CLEC18A: variants seen among roughly 807,000 people sequenced by gnomAD.
CLEC18A encodes mannose receptor-like 1.
In CLEC18A, 5 loss-of-function variants were observed where a neutral mutation model predicts 24.0. The ratio of observed to expected loss-of-function variants is 0.21; its 90% CI spans 0.11 to 0.44. CLEC18A has a LOEUF of 0.44. Ranked by LOEUF, CLEC18A falls within the 20% of genes least tolerant of loss-of-function variation. The probability of loss-of-function intolerance (pLI) is 0.99; values close to 1 mark genes in which losing one functional copy is unlikely to be tolerated. For missense variants in CLEC18A, 83 were observed against 233.4 expected, an observed-to-expected ratio of 0.36 and a Z score of 4.20; for synonymous variants, 29 against 100.1, an observed-to-expected ratio of 0.29 and a Z score of 4.24.
rs200702748 is a variant in CLEC18A, at chr16:69,954,374, C to A, written c.257C>A (p.Ala86Glu). 3.7e-6 allele frequency: 6 copies of A among 1,608,078 alleles called. No homozygotes were observed. The Admixed American group carries it at 5.0e-5, about 14-fold the overall frequency. The change falls in exon 3 of 12, where the codon GCA becomes GAA. Residue 86 changes from alanine (A) to glutamate (E), a missense_variant. Around this residue, in one of 3 missense-constraint regions of CLEC18A, gnomAD observed 71 missense variants for 107.4 expected, o/e 0.66. Transcript: ENST00000288040. ...DSLAQLAQARAALCGTPTPSL... is the reference protein window; with the variant it reads ...DSLAQLAQAREALCGTPTPSL... ...CTGGCCCAGCTGGCTCAAGCCAGGG[C>A]AGCCCTCTGTGGAACCCCAACCCCG...
At chr16:69,952,744 C>A (rs1972034) in intron 2 of CLEC18A, 11,136 of 148,658 alleles carry the variant, frequency 0.075, 81 homozygotes, top group African/African-American at 0.27. Flanking sequence ...TTGTCTGGGA[C>A]CCCAGCAGCC....
intron 3 of CLEC18A, among the ~76,000 whole-genome samples, chr16:69,955,484 G>A (rs1293884484): frequency 1.5e-4 from 23 of 151,666 alleles, no homozygotes; most frequent in African/African-American, 5.3e-4. Context: ...CCAAGTAGCT[G>A]GGACTACAGG....
intron 11 of CLEC18A, among the ~76,000 whole-genome samples, chr16:69,963,307 G>A (rs552767360): frequency 6.6e-6 from 1 of 152,066 alleles, no homozygotes; most frequent in South Asian, 2.1e-4. Context: ...AGCTCTGCAG[G>A]GGATTTCTCC....
At chr16:69,945,068 G>A in the CLEC18A span, among the ~76,000 whole-genome samples, 5 of 146,184 alleles carry the variant, frequency 3.4e-5, no homozygotes, top group African/African-American at 1.1e-4. Flanking sequence ...CCTGAACCCC[G>A]GAGCCGTGAG....
chr16:69,954,997 G>A (rs1321431467), intron 3 of CLEC18A, among the ~76,000 whole-genome samples: 2 of 151,428 alleles, frequency 1.3e-5, no homozygotes, highest in Non-Finnish European at 2.9e-5. Flanking sequence ...ACTGTGCCCC[G>A]CCACATTTTT....
At chr16:69,955,630 G>A (rs1404692711) in intron 3 of CLEC18A, among the ~76,000 whole-genome samples, 9 of 148,580 alleles carry the variant, frequency 6.1e-5, no homozygotes, top group African/African-American at 1.0e-4. Context: ...GGGATTACGC[G>A]TGTGAGACAC....
chr16:69,965,453 C>G, downstream of CLEC18A, among the ~76,000 whole-genome samples: 1 of 151,912 alleles, frequency 6.6e-6, no homozygotes, highest in Non-Finnish European at 1.5e-5. Flanking sequence ...TGCGCATGCC[C>G]GCGGGAGGTG....
chr16:69,955,131 G>A (rs1379394897), intron 3 of CLEC18A, among the ~76,000 whole-genome samples: 1 of 152,110 alleles, frequency 6.6e-6, no homozygotes, highest in Non-Finnish European at 1.5e-5. Context: ...CTCACAAGTA[G>A]CTGGGATTAC....
intron 11 of CLEC18A, 117 bp downstream of exon 11, chr16:69,963,184 G>C: frequency 1.3e-6 from 1 of 751,324 alleles, no homozygotes; most frequent in South Asian, 1.5e-5. Flanking sequence ...GGGCACACGG[G>C]GCCATAGAGG....
intron 3 of CLEC18A, among the ~76,000 whole-genome samples, chr16:69,955,216 T>TTCACCATGA (rs1175566856): frequency 6.6e-6 from 1 of 151,804 alleles, no homozygotes; most frequent in East Asian, 1.9e-4. Flanking sequence ...TTGGTCAGGC[T>TTCACCATGA]GGTCTCGAAC....
chr16:69,955,925 C>CAAGTG, intron 3 of CLEC18A, among the ~76,000 whole-genome samples: 1 of 152,070 alleles, frequency 6.6e-6, no homozygotes, highest in Non-Finnish European at 1.5e-5. Context: ...ACCTCTACTA[C>CAAGTG]CTGTGCAAGT....
upstream of CLEC18A, among the ~76,000 whole-genome samples, chr16:69,948,668 T>C (rs2058916304): frequency 6.8e-6 from 1 of 147,498 alleles, no homozygotes; most frequent in Non-Finnish European, 1.5e-5. Context: ...GGCTGCCCAT[T>C]CTCCAAACCC....
intron 10 of CLEC18A, 121 bp from the exon 11 acceptor site, chr16:69,962,855 C>CCGTCGGCAGGTGGGGGCA (rs2059074707): frequency 9.2e-7 from 1 of 1,092,136 alleles, no homozygotes; most frequent in African/African-American, 1.6e-5. Context: ...CCCGGCAGCC[C>CCGTCGGCAGGTGGGGGCA]CGTCGGCAGG....
chr16:69,955,104 G>A (rs540599192), intron 3 of CLEC18A, among the ~76,000 whole-genome samples: 2 of 152,108 alleles, frequency 1.3e-5, no homozygotes, highest in Non-Finnish European at 2.9e-5. Flanking sequence ...AGATTCAAGC[G>A]ATTCTTGTGC....
rs1481303715 is a variant in CLEC18A at position 69,956,678 on chromosome 16, A to G, written c.456+2105A>G. The stretch of plus-strand genomic sequence containing the variant: ...CAGCCTTGGCTCCTTAAGTTTTGTC[A>G]GACTCAAAGGTGTGAAAAACCTAAC... On this transcript the variant is annotated intron_variant, in intron 3 of 11. Coordinates refer to ENST00000288040, the MANE Select transcript of CLEC18A (RefSeq NM_001370523.4). Among the ~76,000 whole-genome samples the G allele has an allele frequency of 8.4e-5, 7 of 83,248 alleles. No individual in the cohort carries two copies. The Admixed American group carries it at 8.7e-4, about 10-fold the overall frequency. The allele number at this position is 83,248 out of a possible 152,430, so 54.6% of individuals were successfully genotyped here.
upstream of CLEC18A, among the ~76,000 whole-genome samples, chr16:69,946,421 A>C (rs1196713705): frequency 1.8e-5 from 2 of 108,646 alleles, no homozygotes; most frequent in Non-Finnish European, 3.5e-5. Flanking sequence ...TTTTTTTGAG[A>C]ATGAGTCACT....
At chr16:69,952,582 G>T (rs1161468309) in intron 2 of CLEC18A, 1 of 159,298 alleles carries the variant, frequency 6.3e-6, no homozygotes, top group Non-Finnish European at 1.3e-5. Context: ...CCACGAGGAC[G>T]GGCCTTGCCC....
intron 11 of CLEC18A, 143 bp from the exon 12 acceptor site, chr16:69,963,431 A>G: frequency 1.5e-6 from 1 of 671,318 alleles, no homozygotes; most frequent in Non-Finnish European, 2.7e-6. Context: ...GCATGGCACC[A>G]GCTCCCAGCA....
chr16:69,947,085 T>C (rs2058912747), upstream of CLEC18A, among the ~76,000 whole-genome samples: 2 of 75,036 alleles, frequency 2.7e-5, 1 homozygote, highest in Admixed American at 2.8e-4. Flanking sequence ...AAGGGCTGTA[T>C]TCGTTTGCTA....
Sources: allele counts gnomAD v4.1 joint callset (sites outside exome capture counted in the v4.1 genomes callset), GRCh38; gene constraint gnomAD v4.1.1; regional missense constraint gnomAD v4.1.1; transcripts MANE v1.5; gene names NCBI Gene and HGNC (gene_info 2026-07-23, HGNC 2026-07-21).